Variants in CSMD1 observed in about 807,000 individuals in gnomAD.
CSMD1 encodes CUB and Sushi multiple domains 1, also known as CUB and sushi domain-containing protein 1.
A neutral mutation model predicts 417.5 loss-of-function variants in CSMD1; 213 were observed. The ratio of observed to expected loss-of-function variants is 0.51; its 90% confidence interval spans 0.46 to 0.57. The LOEUF (loss-of-function observed/expected upper bound fraction) is 0.57. Among genes scored for constraint, CSMD1 ranks in the 20% least tolerant of loss-of-function variants. The probability of loss-of-function intolerance (pLI) is 0.00; values close to 1 mark genes in which losing one functional copy is unlikely to be tolerated. For missense variants in CSMD1, 6,923 were observed against 4,529.7 expected, an observed-to-expected ratio of 1.53 and a Z score of -15.17; for synonymous variants, 2,862 against 1,736.8, an observed-to-expected ratio of 1.65 and a Z score of -16.11.
chr8:3,007,023 A>G (rs1270822582), intron 52 of CSMD1, among the ~76,000 whole-genome samples: 1 of 145,864 alleles, frequency 6.9e-6, no homozygotes, highest in Non-Finnish European at 1.5e-5. Flanking sequence ...CAACCTACTC[A>G]TCTGACAAAG....
intron 3 of CSMD1, among the ~76,000 whole-genome samples, chr8:4,108,517 G>A (rs931316856): frequency 6.6e-6 from 1 of 152,240 alleles, no homozygotes; most frequent in East Asian, 1.9e-4. Context: ...GTTTTAATTT[G>A]ATAATTTATT....
At chr8:3,506,347 G>A (rs760736429) in intron 10 of CSMD1, among the ~76,000 whole-genome samples, 1 of 152,156 alleles carries the variant, frequency 6.6e-6, no homozygotes, top group Non-Finnish European at 1.5e-5. Context: ...GAGGCTTGCC[G>A]GAGTTTGCAT....
chr8:4,580,575 C>G (rs1022876133), intron 2 of CSMD1, among the ~76,000 whole-genome samples: 1 of 152,114 alleles, frequency 6.6e-6, no homozygotes, highest in East Asian at 1.9e-4. Context: ...TGAGGCTCCT[C>G]CTTTCTCCTC....
At chr8:4,053,641 G>C (rs2554534) in intron 3 of CSMD1, among the ~76,000 whole-genome samples, 130,919 of 152,076 alleles carry the variant, frequency 0.86, 56,496 homozygotes, top group South Asian at 0.93. Context: ...GTCTTGCATA[G>C]AGTGTCATAT....
chr8:4,318,374 C>G (rs986459123), intron 3 of CSMD1, among the ~76,000 whole-genome samples: 13 of 152,082 alleles, frequency 8.5e-5, no homozygotes, highest in African/African-American at 1.9e-4. Flanking sequence ...TGTGCACACT[C>G]TCGTACACAT....
chr8:4,741,620 T>A (rs983923900), intron 1 of CSMD1, among the ~76,000 whole-genome samples: 1 of 152,166 alleles, frequency 6.6e-6, no homozygotes, highest in Middle Eastern at 3.2e-3. Context: ...TGAGGAACAG[T>A]AGGATGACAA....
intron 10 of CSMD1, among the ~76,000 whole-genome samples, chr8:3,519,089 G>A (rs577625152): frequency 6.6e-6 from 1 of 152,272 alleles, no homozygotes; most frequent in South Asian, 2.1e-4. Context: ...TGACTTTTGT[G>A]CCTCACTGTC....
At chr8:4,982,513 A>C (rs1008290602) in intron 1 of CSMD1, among the ~76,000 whole-genome samples, 2 of 152,198 alleles carry the variant, frequency 1.3e-5, no homozygotes, top group African/African-American at 4.8e-5. Context: ...AAGTGGCTCA[A>C]ATCTCTTCTT....
chr8:4,253,762 A>C (rs184610737), intron 3 of CSMD1, among the ~76,000 whole-genome samples: 2,065 of 152,160 alleles, frequency 0.014, 51 homozygotes, highest in African/African-American at 0.046. Context: ...TACTTGAAAA[A>C]AAAAACAGCT....
intron 20 of CSMD1, among the ~76,000 whole-genome samples, 185 bp downstream of exon 20, chr8:3,366,847 T>C (rs1442547840): frequency 1.3e-5 from 2 of 152,166 alleles, no homozygotes; most frequent in East Asian, 3.9e-4. Context: ...GCCACATAAC[T>C]GTACTTGCAC....
At chr8:3,288,219 G>T (rs530142273) in intron 25 of CSMD1, among the ~76,000 whole-genome samples, 2 of 147,142 alleles carry the variant, frequency 1.4e-5, no homozygotes, top group South Asian at 4.2e-4. Context: ...ATTTTATTGA[G>T]GATTTTTGCA....
At chr8:2,987,058 A>C (rs1298428726) in intron 54 of CSMD1, among the ~76,000 whole-genome samples, 2 of 151,950 alleles carry the variant, frequency 1.3e-5, no homozygotes, top group Non-Finnish European at 2.9e-5. Context: ...CCTAAGGCAA[A>C]GTTACAACTA....
intron 1 of CSMD1, among the ~76,000 whole-genome samples, chr8:4,957,594 G>A (rs565790525): frequency 4.6e-5 from 7 of 152,142 alleles, no homozygotes; most frequent in Admixed American, 1.3e-4. Flanking sequence ...TCTTGTGAAA[G>A]ATCCTCATAT....
At chr8:3,766,151 G>C (rs1032497981) in intron 5 of CSMD1, among the ~76,000 whole-genome samples, 1 of 152,180 alleles carries the variant, frequency 6.6e-6, no homozygotes, top group Non-Finnish European at 1.5e-5. Context: ...ATTTCTCTGT[G>C]GGTGTGTACT....
intron 3 of CSMD1, among the ~76,000 whole-genome samples, chr8:4,202,452 T>C (rs965891095): frequency 6.6e-6 from 1 of 152,310 alleles, no homozygotes; most frequent in South Asian, 2.1e-4. Context: ...TACAAAATGT[T>C]TCATTACGTA....
intron 6 of CSMD1, among the ~76,000 whole-genome samples, chr8:3,716,580 C>G (rs2623568): frequency 0.33 from 50,111 of 151,668 alleles, 8,409 homozygotes; most frequent in East Asian, 0.49. Context: ...GGGAGATTTG[C>G]GCCGGCTTCT....
chr8:3,566,151 G>C (rs1031324114), intron 10 of CSMD1, among the ~76,000 whole-genome samples: 5 of 151,806 alleles, frequency 3.3e-5, no homozygotes, highest in Admixed American at 6.6e-5. Context: ...AAAGAGGAGA[G>C]GAGGCAAACA....
At chr8:3,843,427 G>C (rs570162082) in intron 5 of CSMD1, among the ~76,000 whole-genome samples, 6 of 152,062 alleles carry the variant, frequency 3.9e-5, no homozygotes, top group African/African-American at 1.2e-4. Context: ...GTTGGTTTCA[G>C]AGTAATTAAG....
intron 23 of CSMD1, among the ~76,000 whole-genome samples, chr8:3,333,777 C>G (rs116573779): frequency 0.013 from 2,027 of 152,210 alleles, 43 homozygotes; most frequent in African/African-American, 0.046. Flanking sequence ...ACTCAATTTC[C>G]TAAAATATAA....
Sources: allele counts gnomAD v4.1 joint callset (sites outside exome capture counted in the v4.1 genomes callset), GRCh38; gene constraint gnomAD v4.1.1; transcripts MANE v1.5; gene names NCBI Gene and HGNC (gene_info 2026-07-23, HGNC 2026-07-21).